The following PEBP4 variants were observed in gnomAD, a reference collection of about 807,000 sequenced individuals.
PEBP4 encodes the protein phosphatidylethanolamine binding protein 4.
Under a neutral mutation model 23.9 loss-of-function variants are expected in PEBP4, and 22 were observed. The observed-to-expected ratio is 0.92, with a 90% confidence interval of 0.66 to 1.31. The LOEUF is 1.31. Among genes scored for constraint, PEBP4 ranks in the 40% most tolerant of loss-of-function variants. PEBP4 has a pLI of 0.00. For synonymous variants in PEBP4, 112 were observed against 99.3 expected (o/e 1.13, Z -0.76); for missense variants, 324 against 281.7 (o/e 1.15, Z -1.07).
At chr8:22,768,755 G>A (rs1343382971) in intron 4 of PEBP4, among the ~76,000 whole-genome samples, 2 of 152,106 alleles carry the variant, frequency 1.3e-5, no homozygotes, top group African/African-American at 4.8e-5. Context: ...CGGGCTTTTT[G>A]TTGGCCCGCG....
intron 3 of PEBP4, among the ~76,000 whole-genome samples, chr8:22,838,810 G>A (rs1179657036): frequency 1.3e-5 from 2 of 152,262 alleles, no homozygotes; most frequent in African/African-American, 2.4e-5. Flanking sequence ...AGGTGGCTAC[G>A]TGGCTGATGG....
At chr8:22,921,045 G>C (rs1809189256) in intron 2 of PEBP4, among the ~76,000 whole-genome samples, 1 of 152,248 alleles carries the variant, frequency 6.6e-6, no homozygotes, top group Non-Finnish European at 1.5e-5. Flanking sequence ...ATATGATGCA[G>C]AGCAAGGCAA....
At chr8:22,899,308 T>G (rs560266188) in intron 3 of PEBP4, among the ~76,000 whole-genome samples, 126 of 152,364 alleles carry the variant, frequency 8.3e-4, no homozygotes, top group Non-Finnish European at 1.5e-3. Context: ...CCCAAGGTTC[T>G]GCAGGCAAGT....
chr8:22,840,679 T>C (rs751721529), intron 3 of PEBP4, among the ~76,000 whole-genome samples: 8 of 152,122 alleles, frequency 5.3e-5, no homozygotes, highest in Non-Finnish European at 1.0e-4. Context: ...GTGGGGAAAA[T>C]GTGAATCAGT....
At chr8:22,899,315 A>G (rs1301284273) in intron 3 of PEBP4, among the ~76,000 whole-genome samples, 1 of 152,208 alleles carries the variant, frequency 6.6e-6, no homozygotes, top group Non-Finnish European at 1.5e-5. Context: ...TTCTGCAGGC[A>G]AGTGCCAGCT....
chr8:22,881,833 G>A (rs1808264675), intron 3 of PEBP4, among the ~76,000 whole-genome samples: 2 of 152,212 alleles, frequency 1.3e-5, no homozygotes, highest in Non-Finnish European at 2.9e-5. Context: ...GCCGTGAGCA[G>A]GTGGGGACTA....
intron 4 of PEBP4, among the ~76,000 whole-genome samples, chr8:22,813,598 C>T (rs1806677922): frequency 6.6e-6 from 1 of 152,150 alleles, no homozygotes; most frequent in Non-Finnish European, 1.5e-5. Flanking sequence ...TAATTGATAT[C>T]CTAATGAGCT....
chr8:22,906,665 C>A (rs1808821890), intron 3 of PEBP4, among the ~76,000 whole-genome samples: 1 of 152,226 alleles, frequency 6.6e-6, no homozygotes, highest in Non-Finnish European at 1.5e-5. Context: ...CTACCAAATT[C>A]TTCTGGAGTT....
chr8:22,781,679 G>A (rs138961570), intron 4 of PEBP4, among the ~76,000 whole-genome samples: 96 of 152,244 alleles, frequency 6.3e-4, no homozygotes, highest in Non-Finnish European at 1.3e-3. Flanking sequence ...CCAGCCACCC[G>A]AAGACATCTG....
intron 4 of PEBP4, among the ~76,000 whole-genome samples, chr8:22,799,149 G>A (rs1806331133): frequency 6.6e-6 from 1 of 152,188 alleles, no homozygotes; most frequent in African/African-American, 2.4e-5. Flanking sequence ...GGGAGACACA[G>A]TGAAGGGCAG....
At chr8:22,864,127 G>C (rs940340726) in intron 3 of PEBP4, among the ~76,000 whole-genome samples, 1 of 152,152 alleles carries the variant, frequency 6.6e-6, no homozygotes, top group East Asian at 1.9e-4. Flanking sequence ...TCTGAACCTC[G>C]CGCTTTTGTT....
intron 3 of PEBP4, among the ~76,000 whole-genome samples, chr8:22,883,014 C>T (rs1351976473): frequency 6.6e-6 from 1 of 152,162 alleles, no homozygotes; most frequent in East Asian, 1.9e-4. Context: ...CCCATGTGGC[C>T]CTGCGAGACA....
At chr8:22,824,459 C>G (rs894357804) in intron 3 of PEBP4, among the ~76,000 whole-genome samples, 1 of 152,128 alleles carries the variant, frequency 6.6e-6, no homozygotes, top group Non-Finnish European at 1.5e-5. Context: ...TTTTTGGCAC[C>G]AGGAACTGGT....
Position 22,759,352 on chromosome 8 carries a change from C to A in PEBP4, c.358-32132G>T, listed in dbSNP as rs77732889. Among the ~76,000 whole-genome samples the A allele has an allele frequency of 4.2e-3, 608 of 145,504 alleles. 32 individuals are homozygous for A. The East Asian group carries it at 0.11, about 26-fold the overall frequency. ...CAAGTGAAACATTAGAGAAGGACAGCCTTTTTTTTTTTTTCCTCAACAAAG... is the reference window on the plus strand; with the variant it reads ...CAAGTGAAACATTAGAGAAGGACAGACTTTTTTTTTTTTTCCTCAACAAAG... On this transcript the variant is annotated intron_variant, in intron 4 of 6. Transcript: ENST00000256404.
intron 4 of PEBP4, among the ~76,000 whole-genome samples, chr8:22,797,555 G>A (rs1004134928): frequency 6.6e-6 from 1 of 152,158 alleles, no homozygotes; most frequent in Non-Finnish European, 1.5e-5. Flanking sequence ...AGAAGGGAAA[G>A]GATATTCGGG....
At chr8:22,792,832 G>A (rs187329966) in intron 4 of PEBP4, among the ~76,000 whole-genome samples, 1 of 152,186 alleles carries the variant, frequency 6.6e-6, no homozygotes, top group Admixed American at 6.5e-5. Context: ...GGGCATTGCG[G>A]TGGGTGGTAG....
At chr8:22,774,540 A>G (rs1225681621) in intron 4 of PEBP4, among the ~76,000 whole-genome samples, 3 of 152,198 alleles carry the variant, frequency 2.0e-5, no homozygotes, top group African/African-American at 7.2e-5. Context: ...AATTTTAGCC[A>G]GAGAGGGAAG....
intron 4 of PEBP4, among the ~76,000 whole-genome samples, chr8:22,740,567 C>T (rs1165082849): frequency 6.6e-6 from 1 of 152,208 alleles, no homozygotes; most frequent in Non-Finnish European, 1.5e-5. Flanking sequence ...CTGCCCAATT[C>T]CCCTGGGGTC....
chr8:22,872,080 A>T (rs1286161029), intron 3 of PEBP4, among the ~76,000 whole-genome samples: 1 of 152,184 alleles, frequency 6.6e-6, no homozygotes, highest in Non-Finnish European at 1.5e-5. Flanking sequence ...CTTTAGCTCC[A>T]TCCAAGTTGC....
Sources: gnomAD v4.1 joint callset for allele counts (sites outside exome capture counted in the v4.1 genomes callset) on GRCh38, gnomAD v4.1.1 for gene constraint, MANE v1.5 for transcripts, NCBI Gene and HGNC (gene_info 2026-07-23, HGNC 2026-07-21) for gene names.